Variants in RB1CC1 observed in about 807,000 individuals in gnomAD.
The protein encoded by RB1CC1 is RB1 inducible coiled-coil 1, also known as RB1-inducible coiled-coil protein 1.
A neutral mutation model predicts 177.5 loss-of-function variants in RB1CC1; 46 were observed. The observed-to-expected ratio is 0.26, with a 90% CI of 0.20 to 0.33. The LOEUF is 0.33. Among genes scored for constraint, RB1CC1 ranks in the 10% least tolerant of loss-of-function variants. RB1CC1 has a pLI of 1.00. For synonymous variants in RB1CC1, 666 were observed against 613.6 expected, an observed-to-expected ratio of 1.09 and a Z score of -1.26; for missense variants, 1,703 against 1,816.3, an observed-to-expected ratio of 0.94 and a Z score of 1.13.
intron 15 of RB1CC1, among the ~76,000 whole-genome samples, chr8:52,651,645 A>C (rs541176179): frequency 6.6e-6 from 1 of 152,326 alleles, no homozygotes; most frequent in South Asian, 2.1e-4. Context: ...ACCTGAACAC[A>C]AATTAAAGCC....
intron 21 of RB1CC1, among the ~76,000 whole-genome samples, chr8:52,628,653 A>C (rs960490846): frequency 2.0e-5 from 3 of 152,212 alleles, no homozygotes; most frequent in African/African-American, 7.2e-5. Flanking sequence ...ATTAGGTCTA[A>C]ACAAGTCAAC....
At chr8:52,709,427 C>T (rs1856871118) in intron 1 of RB1CC1, among the ~76,000 whole-genome samples, 1 of 152,088 alleles carries the variant, frequency 6.6e-6, no homozygotes, top group Non-Finnish European at 1.5e-5. Flanking sequence ...TTACTGTCAA[C>T]TATTCTAATA....
At chr8:52,682,261 T>C (rs1563434336) in intron 5 of RB1CC1, among the ~76,000 whole-genome samples, 1 of 152,182 alleles carries the variant, frequency 6.6e-6, no homozygotes, top group Non-Finnish European at 1.5e-5. Flanking sequence ...GCATGGGACC[T>C]GTAACCCCTT....
rs375185081 is a variant in RB1CC1 at position 52,642,559 on chromosome 8, G to A, written c.4129C>T (p.Arg1377Cys). 1.2e-4 allele frequency: 188 copies of A among 1,613,688 alleles called. 5 individuals carry two copies. Among genetic ancestry groups the A allele is most frequent in the South Asian group, 8.3e-4 (76 of 91,054 alleles). The change falls in exon 18 of 24, where the codon CGT (arginine) becomes TGT (cysteine). Residue 1377 changes from arginine to cysteine, a missense_variant. Physicochemically the swap from Arg to Cys is radical, Grantham distance 180 (BLOSUM62 -3). This residue lies in a region of RB1CC1 where 1,169 missense variants were observed against 1,184.7 expected (regional missense o/e 0.99). Transcript: ENST00000025008. ...AGCTTTTTCTTTTCCTCAAGCAAAC[G>A]AGCTCGATCTTCAGAAAGTGACTCT... ...LIESLSEDRA[R>C]LLEEKKKLEE...
chr8:52,685,093 C>G (rs977679112), intron 3 of RB1CC1, among the ~76,000 whole-genome samples: 3 of 151,436 alleles, frequency 2.0e-5, no homozygotes, highest in Non-Finnish European at 4.4e-5. Flanking sequence ...ACCTCTGCCC[C>G]CCGGGGTTCA....
At chr8:52,668,221 A>G (rs766512071) in intron 7 of RB1CC1, 30 bp from the exon 8 acceptor site, 17 of 1,601,824 alleles carry the variant, frequency 1.1e-5, no homozygotes, top group Non-Finnish European at 1.4e-5. Context: ...ATACGAATAC[A>G]ATTTTCAGCA....
intron 1 of RB1CC1, among the ~76,000 whole-genome samples, chr8:52,690,705 A>G (rs1854775564): frequency 1.3e-5 from 2 of 152,160 alleles, no homozygotes; most frequent in Non-Finnish European, 2.9e-5. Flanking sequence ...TTTGAATATT[A>G]TCTTTTGTTT....
At chr8:52,672,081 G>C (rs993432218) in intron 7 of RB1CC1, among the ~76,000 whole-genome samples, 10 of 152,160 alleles carry the variant, frequency 6.6e-5, no homozygotes, top group African/African-American at 2.4e-4. Flanking sequence ...AGAAAAAAGT[G>C]ATTGCTTAGT....
intron 18 of RB1CC1, among the ~76,000 whole-genome samples, chr8:52,637,797 T>C (rs989725775): frequency 6.6e-6 from 1 of 151,952 alleles, no homozygotes; most frequent in African/African-American, 2.4e-5. Flanking sequence ...CAGCCTCCCA[T>C]GTAGCTGGAA....
intron 5 of RB1CC1, among the ~76,000 whole-genome samples, chr8:52,679,508 C>T (rs887290044): frequency 2.0e-5 from 3 of 152,162 alleles, no homozygotes; most frequent in Non-Finnish European, 2.9e-5. Context: ...GACCCCGCTT[C>T]GAGTTATCCT....
At position 52,661,551 on chromosome 8, in the gene RB1CC1, G is replaced by C; in HGVS notation, c.1342C>G (p.Leu448Val). Residue 448 changes from leucine (L) to valine (V), a missense_variant, in exon 9 of 24, where the codon CTA (leucine) becomes GTA (valine). Leu to Val is a conservative substitution (Grantham distance 32). Transcript: ENST00000025008. ...TTAKQELANN[L>V]HVRLKWCCFV... ...ATCACTTACTTCAGTCTGACATGTA[G>C]GTTATTTGCTAGTTCTTGTTTGGCA... 1 of 1,605,244 alleles carries C rather than the reference G, an allele frequency of 6.2e-7. No individual in the cohort carries two copies. Among genetic ancestry groups the C allele is most frequent in the Non-Finnish European group, 8.5e-7 (1 of 1,176,362 alleles).
At chr8:52,666,019 G>C (rs1401139711) in intron 8 of RB1CC1, among the ~76,000 whole-genome samples, 1 of 152,088 alleles carries the variant, frequency 6.6e-6, no homozygotes, top group Non-Finnish European at 1.5e-5. Flanking sequence ...CCAAGAACTA[G>C]AATACCAATG....
At chr8:52,708,033 T>A (rs985531869) in intron 1 of RB1CC1, among the ~76,000 whole-genome samples, 9 of 152,192 alleles carry the variant, frequency 5.9e-5, no homozygotes, top group African/African-American at 2.2e-4. Flanking sequence ...TACTAAAAGC[T>A]TTAAAAATGG....
chr8:52,627,403 CA>C (rs1848473543), intron 22 of RB1CC1, among the ~76,000 whole-genome samples: 1 of 152,154 alleles, frequency 6.6e-6, no homozygotes, highest in Non-Finnish European at 1.5e-5. Context: ...TGTTGCGAGT[CA>C]GTCCAATTAG....
intron 1 of RB1CC1, 125 bp from the exon 2 acceptor site, chr8:52,687,092 T>C (rs182967392): frequency 1.6e-4 from 58 of 364,860 alleles, no homozygotes; most frequent in Admixed American, 6.2e-4. Flanking sequence ...CCCTTCTACT[T>C]GCACATTCAC....
At chr8:52,677,268 A>G (rs1297185144) in intron 5 of RB1CC1, among the ~76,000 whole-genome samples, 1 of 152,196 alleles carries the variant, frequency 6.6e-6, no homozygotes, top group East Asian at 1.9e-4. Flanking sequence ...TGAGAAGTCA[A>G]AGTTAACTGA....
At chr8:52,666,996 C>A (rs946706902) in intron 8 of RB1CC1, among the ~76,000 whole-genome samples, 15 of 152,092 alleles carry the variant, frequency 9.9e-5, no homozygotes, top group African/African-American at 3.1e-4. Context: ...TGGTATAAGT[C>A]ATTAAACCAC....
chr8:52,703,251 T>G (rs1003639697), intron 1 of RB1CC1, among the ~76,000 whole-genome samples: 2 of 152,216 alleles, frequency 1.3e-5, no homozygotes, highest in Non-Finnish European at 2.9e-5. Flanking sequence ...AGCTATCTAA[T>G]TCAGATCTTC....
intron 20 of RB1CC1, among the ~76,000 whole-genome samples, chr8:52,634,516 C>T (rs1848987735): frequency 6.6e-6 from 1 of 150,600 alleles, no homozygotes; most frequent in Non-Finnish European, 1.5e-5. Flanking sequence ...GCAAGACTGT[C>T]TTAAAAAAAA....
Sources: gnomAD v4.1 joint callset for allele counts (sites outside exome capture counted in the v4.1 genomes callset) on GRCh38, gnomAD v4.1.1 for gene constraint, gnomAD v4.1.1 regional missense constraint, MANE v1.5 for transcripts, NCBI Gene and HGNC (gene_info 2026-07-23, HGNC 2026-07-21) for gene names.